The following CIB1 variants were observed in gnomAD, a reference collection of about 807,000 sequenced individuals.
The protein encoded by CIB1 is calcium and integrin-binding protein 1.
A neutral mutation model predicts 25.0 loss-of-function variants in CIB1; 19 were observed. That is an observed-to-expected ratio of 0.76 (90% CI 0.53 to 1.12). CIB1 has a LOEUF of 1.12. Ranked by LOEUF, CIB1 falls within the 50% of genes most tolerant of loss-of-function variation. CIB1 has a pLI of 0.00. For missense variants in CIB1, 236 were observed against 242.6 expected (o/e 0.97, Z 0.18); for synonymous variants, 104 against 98.5 (o/e 1.06, Z -0.33).
rs1962573181 is a variant in CIB1 at position 90,233,936 on chromosome 15, T to C, written c.-51A>G. 6.9e-7 allele frequency: 1 copy of C among 1,442,442 alleles called. No individual in the cohort carries two copies. The highest frequency in any genetic ancestry group is 1.5e-5 in the African/African-American group (1 of 68,594). 89.4% of individuals were successfully genotyped at this position (1,442,442 alleles called of 1,614,324 possible). On this transcript the variant is annotated 5_prime_UTR_variant, in exon 1 of 7. Transcript: ENST00000328649. ...CAACTCGCCTCGAGACGCAGACAACTTTCTCACTTCCGCCCTTGGGCCGCG... is the reference window on the plus strand; with the variant it reads ...CAACTCGCCTCGAGACGCAGACAACCTTCTCACTTCCGCCCTTGGGCCGCG...
chr15:90,260,233 C>T, the CIB1 span, among the ~76,000 whole-genome samples: 1 of 152,206 alleles, frequency 6.6e-6, no homozygotes, highest in African/African-American at 2.4e-5. Flanking sequence ...TGTGGTGGCT[C>T]ACACCTGTAA....
At chr15:90,257,783 C>T in the CIB1 span, 12 of 1,526,776 alleles carry the variant, frequency 7.9e-6, no homozygotes, top group African/African-American at 1.2e-4. Context: ...TCCCAGTAGC[C>T]CATGAAACCA....
chr15:90,231,301 C>A, intron 4 of CIB1, 56 bp downstream of exon 4: 1 of 1,609,170 alleles, frequency 6.2e-7, no homozygotes, highest in East Asian at 2.2e-5. Flanking sequence ...AGCAGGGCCA[C>A]CACAAAGCCC....
the CIB1 span, among the ~76,000 whole-genome samples, chr15:90,248,039 C>T: frequency 6.6e-6 from 1 of 151,906 alleles, no homozygotes; most frequent in Non-Finnish European, 1.5e-5. Context: ...TCACACCCGG[C>T]CAGATATTTG....
the CIB1 span, among the ~76,000 whole-genome samples, chr15:90,240,353 C>T: frequency 6.7e-6 from 1 of 149,870 alleles, no homozygotes; most frequent in Admixed American, 6.7e-5. Context: ...ACTAAAAATA[C>T]AAAAATTAGC....
At chr15:90,255,823 CA>C in the CIB1 span, 1 of 1,614,180 alleles carries the variant, frequency 6.2e-7, no homozygotes, top group Admixed American at 1.7e-5. Flanking sequence ...ACCTCAACCG[CA>C]TGTACAAACT....
At chr15:90,233,204 C>G (rs1421633271) in intron 2 of CIB1, among the ~76,000 whole-genome samples, 1 of 152,236 alleles carries the variant, frequency 6.6e-6, no homozygotes, top group Non-Finnish European at 1.5e-5. Context: ...TCCAGTACCT[C>G]TCTCCTAAAG....
the CIB1 span, among the ~76,000 whole-genome samples, chr15:90,254,729 C>T: frequency 6.6e-6 from 1 of 151,932 alleles, no homozygotes; most frequent in African/African-American, 2.4e-5. Flanking sequence ...TGCTTTAGTC[C>T]CAGCCACTTG....
At position 90,233,904 on chromosome 15, in the gene CIB1, G is replaced by T. The variant is rs1246466912; in HGVS notation, c.-19C>A. On this transcript the variant is annotated 5_prime_UTR_variant, in exon 1 of 7. It adds an upstream start codon to the 5' untranslated region. Transcript: ENST00000328649. Reference sequence around the variant, plus strand: ...CCCCCATCGCCCCGCCGCGCGCACAGCTCCGCCAACTCGCCTCGAGACGCA... The same window carrying T: ...CCCCCATCGCCCCGCCGCGCGCACATCTCCGCCAACTCGCCTCGAGACGCA... 16 of 1,458,128 alleles carry T rather than the reference G, an allele frequency of 1.1e-5. No individual in the cohort carries two copies. Among genetic ancestry groups the T allele is most frequent in the Non-Finnish European group, 1.4e-5 (15 of 1,109,524 alleles). The allele number at this position is 1,458,128 out of a possible 1,614,324, so 90.3% of individuals were successfully genotyped here.
chr15:90,238,161 G>T (rs572673929), upstream of CIB1, among the ~76,000 whole-genome samples: 1 of 152,102 alleles, frequency 6.6e-6, no homozygotes, highest in Non-Finnish European at 1.5e-5. Flanking sequence ...TTAGCCGGGC[G>T]TGGTGACACA....
At chr15:90,249,013 C>T in the CIB1 span, among the ~76,000 whole-genome samples, 2 of 152,208 alleles carry the variant, frequency 1.3e-5, no homozygotes, top group African/African-American at 4.8e-5. Flanking sequence ...ATGGCTGTCA[C>T]TCTTGAATGC....
rs1962569601 is a variant in CIB1, at chr15:90,233,854, T to TA, written c.31_32insT (p.Glu11ValfsTer26). Reference sequence around the variant, plus strand: ...GCGCACCTGGTACTCGGCCAGCAGCTCCTTGGACAGGCGACTGCCCGAGCC... The same window carrying TA: ...GCGCACCTGGTACTCGGCCAGCAGCTACCTTGGACAGGCGACTGCCCGAGCC... On this transcript the variant is annotated frameshift_variant, in exon 1 of 7. Coordinates refer to ENST00000328649, the MANE Select transcript of CIB1 (RefSeq NM_006384.4). LOFTEE classifies it high-confidence loss of function. The TA allele has an allele frequency of 6.6e-7, 1 of 1,525,422 alleles. No homozygotes were observed. The highest frequency in any genetic ancestry group is 2.5e-5 in the East Asian group (1 of 40,698). 94.5% of individuals were successfully genotyped at this position (1,525,422 alleles called of 1,614,324 possible). A position where few individuals can be genotyped will look rare whatever the true frequency, so the allele number is the denominator to read the frequency against.
chr15:90,238,490 A>G (rs1303398897), upstream of CIB1: 1 of 152,176 alleles, frequency 6.6e-6, no homozygotes, highest in Non-Finnish European at 1.5e-5. Flanking sequence ...ATTAACATGA[A>G]GTTTCTGGAG....
chr15:90,244,281 T>C, the CIB1 span: 1 of 152,308 alleles, frequency 6.6e-6, no homozygotes, highest in South Asian at 2.1e-4. Context: ...TTGGGGTCTT[T>C]CCCAAGCACT....
chr15:90,257,231 C>T, the CIB1 span: 12 of 1,613,328 alleles, frequency 7.4e-6, no homozygotes, highest in African/African-American at 1.3e-5. Flanking sequence ...TGAGGAGGGC[C>T]TAGCCCGTTT....
At chr15:90,247,744 T>TC in the CIB1 span, among the ~76,000 whole-genome samples, 1 of 148,504 alleles carries the variant, frequency 6.7e-6, no homozygotes, top group East Asian at 2.0e-4. Flanking sequence ...TTTGTTTGCT[T>TC]TTTTTTTTTG....
the CIB1 span, chr15:90,241,502 C>T: frequency 3.4e-4 from 547 of 1,613,812 alleles, 3 homozygotes; most frequent in African/African-American, 6.6e-3. Flanking sequence ...TGAGCTTACA[C>T]CCGGGCTTCC....
At chr15:90,263,819 C>G in the CIB1 span, 1 of 721,888 alleles carries the variant, frequency 1.4e-6, no homozygotes, top group South Asian at 1.5e-5. Flanking sequence ...CTAAGAGGGG[C>G]TGCCACAGAG....
the CIB1 span, chr15:90,251,740 G>A: frequency 3.9e-6 from 3 of 761,332 alleles, no homozygotes; most frequent in Non-Finnish European, 6.7e-6. Flanking sequence ...CTTCCTAGGT[G>A]TCCTCTGCCT....
Sources: allele counts gnomAD v4.1 joint callset (sites outside exome capture counted in the v4.1 genomes callset), GRCh38; gene constraint gnomAD v4.1.1; transcripts MANE v1.5; gene names NCBI Gene and HGNC (gene_info 2026-07-23, HGNC 2026-07-21).